TAF1: variants seen among roughly 807,000 people sequenced by gnomAD.
The protein encoded by TAF1 is transcription initiation factor TFIID subunit 1.
Under a neutral mutation model 138.5 loss-of-function variants are expected in TAF1, and 2 were observed. The observed-to-expected ratio is 0.01, with a 90% CI of 0.01 to 0.05. The LOEUF (loss-of-function observed/expected upper bound fraction) is 0.05. Among genes scored for constraint, TAF1 ranks in the 10% least tolerant of loss-of-function variants. The pLI is 1.00. For missense variants in TAF1, 709 were observed against 1,478.0 expected (o/e 0.48, Z 8.53); for synonymous variants, 437 against 503.2 (o/e 0.87, Z 1.76).
At chrX:71,429,972 G>GACT (rs1204000460) in intron 32 of TAF1, among the ~76,000 whole-genome samples, 13 of 111,653 alleles carry the variant, frequency 1.2e-4, no homozygotes, top group Non-Finnish European at 2.4e-4. Context: ...CACTTCTAGG[G>GACT]ACTACTCCAC....
intron 17 of TAF1, 78 bp from the exon 18 acceptor site, chrX:71,389,507 C>CT: frequency 1.2e-6 from 1 of 840,849 alleles, no homozygotes; most frequent in South Asian, 2.3e-5. Context: ...GTATTCTGTA[C>CT]TTGTATTCAG....
At chrX:71,437,393 A>G (rs1342494029) in intron 32 of TAF1, among the ~76,000 whole-genome samples, 1 of 109,866 alleles carries the variant, frequency 9.1e-6, no homozygotes, top group Admixed American at 9.8e-5. Flanking sequence ...TTTTTTTTCC[A>G]TCAGTGATTG....
At chrX:71,401,945 A>G (rs1170520241) in intron 25 of TAF1, among the ~76,000 whole-genome samples, 3 of 111,849 alleles carry the variant, frequency 2.7e-5, no homozygotes, top group African/African-American at 9.8e-5. Context: ...CATGCTGCCT[A>G]ACTTCTGAGT....
intron 22 of TAF1, among the ~76,000 whole-genome samples, chrX:71,396,269 T>TA (rs2034841887): frequency 9.3e-6 from 1 of 107,048 alleles, no homozygotes; most frequent in Non-Finnish European, 1.9e-5. Context: ...AGTGCCATTT[T>TA]CCCCCCCGAG....
At chrX:71,506,093 G>A (rs919028302) in intron 13 of TAF1, among the ~76,000 whole-genome samples, 3 of 108,563 alleles carry the variant, frequency 2.8e-5, no homozygotes, top group Non-Finnish European at 5.7e-5. Flanking sequence ...CCAGCTACTC[G>A]GGAGGCTGAG....
intron 3 of TAF1, among the ~76,000 whole-genome samples, chrX:71,372,576 T>C (rs770267393): frequency 9.3e-6 from 1 of 107,719 alleles, no homozygotes; most frequent in Non-Finnish European, 1.9e-5. Flanking sequence ...GAGTTGGAGG[T>C]TGCAGTGAGC....
chrX:71,398,499 C>G lies in TAF1; in HGVS notation c.3621-73C>G, dbSNP rs1258863251. The G allele has an allele frequency of 5.2e-6, 6 of 1,157,922 alleles. No homozygotes were observed. The East Asian group carries it at 1.5e-4, about 29-fold the overall frequency. On this transcript the variant is annotated intron_variant, in intron 23 of 37. Transcript: ENST00000423759. ...ACTTTAGTCCTGAGATGTTAGCTAT[C>G]ACGATAGTCTTCTTGGTTAAGGTTT...
At chrX:71,379,438 A>T (rs1602470593) in intron 8 of TAF1, among the ~76,000 whole-genome samples, 2 of 107,947 alleles carry the variant, frequency 1.9e-5, no homozygotes, top group South Asian at 8.1e-4. Context: ...TGAGCTGCCA[A>T]GAGATAGTGA....
intron 13 of TAF1, among the ~76,000 whole-genome samples, chrX:71,517,203 G>C (rs1174718263): frequency 9.0e-6 from 1 of 111,381 alleles, no homozygotes; most frequent in African/African-American, 3.3e-5. Context: ...TAGTGGAGGG[G>C]GGAGGAAAGG....
In TAF1 at chrX:71,458,315, T is replaced by C; in HGVS notation, c.5013T>C (p.Asn1671=). ...RDASVFQDES[N]MSVLDIPSAT... Reference sequence around the variant, plus strand: ...CCTCTGTATTTCAAGATGAGAGCAATATGTCTGTCTTGGATATTCCCAGTG... The same window carrying C: ...CCTCTGTATTTCAAGATGAGAGCAACATGTCTGTCTTGGATATTCCCAGTG... The change falls in exon 35 of 38, where the codon AAT becomes AAC. Residue 1671 remains asparagine (N), a synonymous_variant. Transcript: ENST00000423759. 1 of 1,211,792 alleles carries C rather than the reference T, an allele frequency of 8.3e-7. No individual in the cohort carries two copies. The highest frequency in any genetic ancestry group is 1.1e-6 in the Non-Finnish European group (1 of 895,391).
At chrX:71,436,265 G>T (rs2037137480) in intron 32 of TAF1, among the ~76,000 whole-genome samples, 2 of 99,242 alleles carry the variant, frequency 2.0e-5, no homozygotes, top group East Asian at 3.1e-4. Context: ...ACCCAGGCTG[G>T]AGTGCAGTGG....
chrX:71,382,473 T>A, intron 9 of TAF1, 63 bp from the exon 10 acceptor site: 5 of 1,170,943 alleles, frequency 4.3e-6, no homozygotes, highest in Non-Finnish European at 5.7e-6. Flanking sequence ...AACTGGATAC[T>A]TGTCTGTAGG....
chrX:71,368,312 C>G (rs776285062), intron 3 of TAF1, 142 bp downstream of exon 3: 135 of 540,860 alleles, frequency 2.5e-4, no homozygotes, highest in Non-Finnish European at 3.7e-4. Flanking sequence ...CTCCCTTTGT[C>G]AGGTCAGTTC....
At chrX:71,408,633 G>A (rs1448765202) in intron 28 of TAF1, among the ~76,000 whole-genome samples, 1 of 111,571 alleles carries the variant, frequency 9.0e-6, no homozygotes, top group Non-Finnish European at 1.9e-5. Context: ...TATTCCCACT[G>A]TTTAATTCTT....
intron 13 of TAF1, among the ~76,000 whole-genome samples, chrX:71,474,738 G>A (rs1424673992): frequency 8.9e-6 from 1 of 111,823 alleles, no homozygotes; most frequent in African/African-American, 3.2e-5. Context: ...AGTAATTGTG[G>A]CTGGGTTGGA....
intron 32 of TAF1, among the ~76,000 whole-genome samples, chrX:71,447,074 A>G (rs936209289): frequency 2.7e-5 from 3 of 111,779 alleles, no homozygotes; most frequent in South Asian, 3.7e-4. Flanking sequence ...TAGTAATTCT[A>G]ATTTCTTTAG....
chrX:71,450,200 A>C (rs1225066219), intron 32 of TAF1, among the ~76,000 whole-genome samples: 2 of 109,138 alleles, frequency 1.8e-5, no homozygotes, highest in Non-Finnish European at 3.8e-5. Flanking sequence ...TTTTACCTGG[A>C]AGAGACTTTT....
At chrX:71,384,360 A>G (rs2034084570) in intron 13 of TAF1, among the ~76,000 whole-genome samples, 1 of 110,849 alleles carries the variant, frequency 9.0e-6, no homozygotes, top group Non-Finnish European at 1.9e-5. Context: ...CTTTTTTTGT[A>G]GTTATAACAT....
rs748546645 is a variant in TAF1 at position 71,387,475 on chromosome X, G to T, written c.2427+14G>T. 1.7e-5 allele frequency: 21 copies of T among 1,208,877 alleles called. No individual in the cohort carries two copies. The Middle Eastern group carries it at 6.9e-4, about 40-fold the overall frequency. The stretch of plus-strand genomic sequence containing the variant: ...GACTTTCTACAGGTAAGAATGGGAG[G>T]ATAGGGAGGGGATTGGGTTGTATAC... On this transcript the variant is annotated intron_variant, in intron 15 of 37. Coordinates refer to ENST00000423759, the MANE Select transcript of TAF1 (RefSeq NM_004606.5).
Sources: allele counts gnomAD v4.1 joint callset (sites outside exome capture counted in the v4.1 genomes callset), GRCh38; gene constraint gnomAD v4.1.1; transcripts MANE v1.5; gene names NCBI Gene and HGNC (gene_info 2026-07-23, HGNC 2026-07-21).